Variants in SPIDR observed in about 807,000 individuals in gnomAD.
SPIDR encodes DNA repair-scaffolding protein.
A neutral mutation model predicts 104.6 loss-of-function variants in SPIDR; 93 were observed. The observed-to-expected ratio is 0.89, with a 90% CI of 0.75 to 1.06. The LOEUF is 1.06. Among genes scored for constraint, SPIDR ranks in the 50% least tolerant of loss-of-function variants. The pLI is 0.00. For missense variants in SPIDR, 1,154 were observed against 1,111.2 expected (o/e 1.04, Z -0.55); for synonymous variants, 431 against 416.9 (o/e 1.03, Z -0.41).
At chr8:47,665,241 T>A (rs375303978) in intron 10 of SPIDR, among the ~76,000 whole-genome samples, 3 of 152,346 alleles carry the variant, frequency 2.0e-5, no homozygotes, top group East Asian at 1.9e-4. Context: ...AGTGACAGTC[T>A]AGCTGACTTC....
chr8:47,406,206 C>G (rs781836313), intron 6 of SPIDR, among the ~76,000 whole-genome samples: 1 of 151,456 alleles, frequency 6.6e-6, no homozygotes, highest in African/African-American at 2.4e-5. Context: ...TTGTGCATAT[C>G]ATTTTAAATA....
intron 7 of SPIDR, among the ~76,000 whole-genome samples, chr8:47,410,914 G>GT (rs1554670884): frequency 1.1e-4 from 17 of 152,188 alleles, no homozygotes; most frequent in East Asian, 1.9e-4. Flanking sequence ...GTGGTGTTCG[G>GT]TTTTTTGTCC....
chr8:47,515,572 A>G (rs929036541), intron 8 of SPIDR, among the ~76,000 whole-genome samples: 1 of 152,206 alleles, frequency 6.6e-6, no homozygotes, highest in Non-Finnish European at 1.5e-5. Context: ...TAGGACCAGA[A>G]TAGTGACATA....
intron 16 of SPIDR, among the ~76,000 whole-genome samples, chr8:47,718,516 T>C (rs1372682305): frequency 6.6e-6 from 1 of 151,976 alleles, no homozygotes; most frequent in Non-Finnish European, 1.5e-5. Context: ...TTTTTTTTTT[T>C]CATTTTTCTG....
intron 10 of SPIDR, among the ~76,000 whole-genome samples, chr8:47,615,994 TA>T (rs994711833): frequency 2.0e-5 from 3 of 152,022 alleles, no homozygotes; most frequent in Admixed American, 1.3e-4. Context: ...TGCTAGTGTA[TA>T]AAAAAAACAA....
At chr8:47,524,503 C>T (rs929878859) in intron 8 of SPIDR, among the ~76,000 whole-genome samples, 6 of 152,152 alleles carry the variant, frequency 3.9e-5, no homozygotes, top group African/African-American at 1.2e-4. Flanking sequence ...ACTCTCCTGA[C>T]CACCCCCGAG....
At chr8:47,698,766 C>T (rs1460343598) in intron 11 of SPIDR, among the ~76,000 whole-genome samples, 3 of 152,174 alleles carry the variant, frequency 2.0e-5, no homozygotes, top group African/African-American at 7.2e-5. Context: ...ATGGGAGAAG[C>T]TTTAGTTTAA....
intron 5 of SPIDR, among the ~76,000 whole-genome samples, chr8:47,327,498 T>C (rs1262910646): frequency 6.6e-6 from 1 of 151,262 alleles, no homozygotes; most frequent in Admixed American, 6.6e-5. Context: ...TTCCCCAGGC[T>C]CAGGTAATTC....
chr8:47,456,921 G>A (rs1202178152), intron 8 of SPIDR, among the ~76,000 whole-genome samples: 4 of 152,214 alleles, frequency 2.6e-5, no homozygotes, highest in Admixed American at 6.5e-5. Context: ...AAGTTGCTGC[G>A]AATGACATTA....
intron 7 of SPIDR, among the ~76,000 whole-genome samples, chr8:47,414,160 G>A (rs528562357): frequency 1.1e-4 from 17 of 152,140 alleles, no homozygotes; most frequent in Non-Finnish European, 1.5e-4. Flanking sequence ...ATTTTGATGG[G>A]AAGTGGCAGA....
intron 8 of SPIDR, among the ~76,000 whole-genome samples, chr8:47,564,584 G>T (rs2057530408): frequency 6.6e-6 from 1 of 151,874 alleles, no homozygotes; most frequent in Non-Finnish European, 1.5e-5. Context: ...GGAGGCTGAG[G>T]CAGGAGAATC....
At chr8:47,283,939 G>A in intron 2 of SPIDR, 89 bp from the exon 3 acceptor site, 1 of 925,918 alleles carries the variant, frequency 1.1e-6, no homozygotes, top group Non-Finnish European at 1.7e-6. Flanking sequence ...ATATGTTAAG[G>A]AGAGTGTAGT....
intron 8 of SPIDR, among the ~76,000 whole-genome samples, chr8:47,594,524 T>C (rs780893268): frequency 1.4e-4 from 22 of 152,178 alleles, no homozygotes; most frequent in Non-Finnish European, 2.8e-4. Flanking sequence ...AGGTTTTTCA[T>C]GATGTTTACC....
chr8:47,503,283 T>G (rs1281812307), intron 8 of SPIDR, among the ~76,000 whole-genome samples: 2 of 152,202 alleles, frequency 1.3e-5, no homozygotes, highest in African/African-American at 4.8e-5. Context: ...AGTCTCTCTG[T>G]AGGTCTCTAA....
chr8:47,431,426 A>G (rs1403472687), intron 7 of SPIDR, among the ~76,000 whole-genome samples: 1 of 152,200 alleles, frequency 6.6e-6, no homozygotes, highest in Non-Finnish European at 1.5e-5. Context: ...TTGCTTTTCT[A>G]GAGCCTTTGT....
At chr8:47,345,395 G>A (rs2051731725) in intron 5 of SPIDR, among the ~76,000 whole-genome samples, 1 of 152,170 alleles carries the variant, frequency 6.6e-6, no homozygotes, top group Non-Finnish European at 1.5e-5. Context: ...GTCAGGTAGT[G>A]TGATGCCTCC....
intron 8 of SPIDR, among the ~76,000 whole-genome samples, chr8:47,459,605 A>G (rs891262923): frequency 1.3e-5 from 2 of 150,740 alleles, no homozygotes; most frequent in African/African-American, 4.9e-5. Context: ...TATCGTTTGT[A>G]TTTTTTTTGT....
intron 11 of SPIDR, among the ~76,000 whole-genome samples, chr8:47,675,140 G>A (rs377209593): frequency 3.9e-5 from 6 of 152,118 alleles, no homozygotes; most frequent in Non-Finnish European, 5.9e-5. Flanking sequence ...AGATTCAAGC[G>A]ATTCTCCTGC....
intron 1 of SPIDR, among the ~76,000 whole-genome samples, chr8:47,262,647 T>C (rs2032794802): frequency 6.6e-6 from 1 of 152,188 alleles, no homozygotes; most frequent in Non-Finnish European, 1.5e-5. Flanking sequence ...CCGTGTCTTT[T>C]ATAGCCTAAA....
Sources: allele counts gnomAD v4.1 joint callset (sites outside exome capture counted in the v4.1 genomes callset), GRCh38; gene constraint gnomAD v4.1.1; transcripts MANE v1.5; gene names NCBI Gene and HGNC (gene_info 2026-07-23, HGNC 2026-07-21).